The following F3 variants were observed in gnomAD, a reference collection of about 807,000 sequenced individuals.
F3 encodes tissue factor.
A neutral mutation model predicts 33.5 loss-of-function variants in F3; 18 were observed. The ratio of observed to expected loss-of-function variants is 0.54; its 90% CI spans 0.37 to 0.80. F3 has a LOEUF of 0.80. Among genes scored for constraint, F3 ranks in the 30% least tolerant of loss-of-function variants. F3 has a pLI of 0.00. For synonymous variants in F3, 147 were observed against 140.7 expected (o/e 1.05, Z -0.32); for missense variants, 353 against 362.1 (o/e 0.97, Z 0.20).
chr1:94,541,600 CG>C lies in F3; in HGVS notation c.36del (p.Glu13ArgfsTer32). ...ETPAWPRVPR[P>X]ETAVARTLLL... is the part of the protein sequence containing the mutation. ...AGGAGCGTCCGAGCGACGGCGGTCTCGGGGCGCGGGACCCGGGGCCAGGCAG... is the reference window on the plus strand; with the variant it reads ...AGGAGCGTCCGAGCGACGGCGGTCTCGGGCGCGGGACCCGGGGCCAGGCAG... On this transcript the variant is annotated frameshift_variant, in exon 1 of 6. Coordinates refer to ENST00000334047, the MANE Select transcript of F3 (RefSeq NM_001993.5). LOFTEE classifies it high-confidence loss of function. 1 of 1,462,446 alleles carries C rather than the reference CG, an allele frequency of 6.8e-7. No homozygotes were observed. Among genetic ancestry groups the C allele is most frequent in the Non-Finnish European group, 9.0e-7 (1 of 1,106,372 alleles). The allele number at this position is 1,462,446 out of a possible 1,614,324, so 90.6% of individuals were successfully genotyped here. A position where few individuals can be genotyped will look rare whatever the true frequency, so the allele number is the denominator to read the frequency against.
At chr1:94,532,516 C>A in intron 4 of F3, 36 bp from the exon 5 acceptor site, 2 of 1,607,202 alleles carry the variant, frequency 1.2e-6, no homozygotes, top group Non-Finnish European at 8.5e-7. Context: ...CATCTGGGCT[C>A]TGAGTCAATT....
At chr1:94,539,532 C>T (rs1173660588) in intron 2 of F3, among the ~76,000 whole-genome samples, 1 of 152,158 alleles carries the variant, frequency 6.6e-6, no homozygotes, top group African/African-American at 2.4e-5. Flanking sequence ...AAGATCTCTA[C>T]CAAGCCTCCT....
chr1:94,541,393 C>G (rs1651772462), intron 1 of F3, 144 bp downstream of exon 1: 1 of 612,706 alleles, frequency 1.6e-6, no homozygotes, highest in African/African-American at 1.9e-5. Flanking sequence ...TCAAGCCGGG[C>G]TGGGTGAGCG....
At chr1:94,532,628 A>T (rs746915096) in intron 4 of F3, 148 bp from the exon 5 acceptor site, 5 of 850,556 alleles carry the variant, frequency 5.9e-6, no homozygotes, top group Non-Finnish European at 9.1e-6. Flanking sequence ...GACTTCGCTA[A>T]TCAGTTTCCC....
Position 94,541,518 on chromosome 1 carries a change from AG to A in F3, c.100+18del. 1 of 1,461,222 alleles carries A rather than the reference AG, an allele frequency of 6.8e-7. No individual in the cohort carries two copies. The highest frequency in any genetic ancestry group is 9.1e-7 in the Non-Finnish European group (1 of 1,104,416). 90.5% of individuals were successfully genotyped at this position (1,461,222 alleles called of 1,614,324 possible). ...TGCGTGTGGCGCGCCCCGGGCTTCC[AG>A]GGGCTGGTGCCACTCACCTGAAGCG... On this transcript the variant is annotated intron_variant, in intron 1 of 5. Transcript: ENST00000334047.
Position 94,536,129 on chromosome 1 carries a change from T to TAA in F3, c.246_247dup (p.Tyr83PhefsTer15). On this transcript the variant is annotated frameshift_variant, in exon 3 of 6. Transcript: ENST00000334047. LOFTEE classifies it high-confidence loss of function. ...GAGGTCACACTCTGTGTCTGTTGTG[T>TAA]AAAAGCATTTGCTTTTCCAATCTCC... is the stretch of plus-strand genomic sequence containing the variant. 1 of 1,614,150 alleles carries TAA rather than the reference T, an allele frequency of 6.2e-7. No individual in the cohort carries two copies. Among genetic ancestry groups the TAA allele is most frequent in the Admixed American group, 1.7e-5 (1 of 60,024 alleles).
chr1:94,539,869 C>G (rs1651720913), intron 2 of F3, among the ~76,000 whole-genome samples: 1 of 152,198 alleles, frequency 6.6e-6, no homozygotes, highest in South Asian at 2.1e-4. Flanking sequence ...CACCTCTTCC[C>G]TAAGGTGTTA....
At chr1:94,530,632 C>G (rs1651395804) in intron 5 of F3, 36 bp from the exon 6 acceptor site, 2 of 1,612,080 alleles carry the variant, frequency 1.2e-6, no homozygotes, top group Admixed American at 3.3e-5. Context: ...ACTTGGAGAG[C>G]TCAAATCCCA....
At chr1:94,531,516 G>A (rs1481855282) in intron 5 of F3, among the ~76,000 whole-genome samples, 1 of 152,068 alleles carries the variant, frequency 6.6e-6, no homozygotes, top group Non-Finnish European at 1.5e-5. Context: ...TGGCCAGGCT[G>A]GTCCCAAACT....
intron 2 of F3, among the ~76,000 whole-genome samples, chr1:94,537,914 G>A (rs1403645371): frequency 6.6e-6 from 1 of 152,144 alleles, no homozygotes; most frequent in African/African-American, 2.4e-5. Flanking sequence ...TAGTTGTTCA[G>A]ATAACAGGAG....
At chr1:94,540,146 G>A (rs559955789) in intron 2 of F3, 111 bp downstream of exon 2, 66 of 755,492 alleles carry the variant, frequency 8.7e-5, no homozygotes, top group African/African-American at 4.8e-4. Context: ...CTTCTTCTTC[G>A]TCATCTGTTA....
intron 2 of F3, among the ~76,000 whole-genome samples, chr1:94,537,933 C>T (rs1368466478): frequency 6.6e-6 from 1 of 152,102 alleles, no homozygotes; most frequent in Non-Finnish European, 1.5e-5. Context: ...AGAAAGTCTC[C>T]TAGGGCTTTC....
intron 4 of F3, 143 bp downstream of exon 4, chr1:94,532,947 C>G (rs1651473799): frequency 1.3e-6 from 1 of 794,838 alleles, no homozygotes; most frequent in African/African-American, 1.7e-5. Context: ...CCACCCCTCC[C>G]CACAGTGCGC....
chr1:94,532,425 T>A lies in F3; in HGVS notation c.647A>T (p.Asn216Ile). 22 of 1,614,232 alleles carry A rather than the reference T, an allele frequency of 1.4e-5. No homozygotes were observed. The highest frequency in any genetic ancestry group is 1.9e-5 in the Non-Finnish European group (22 of 1,180,042). The change falls in exon 5 of 6, where the codon AAC (asparagine) becomes ATC (isoleucine). Residue 216 changes from asparagine (N) to isoleucine (I), a missense_variant. Coordinates refer to ENST00000334047, the MANE Select transcript of F3 (RefSeq NM_001993.5). ...CACTGCTTGAACACTGAAACAGTAG[T>A]TTTCTCCTTTATCCACATCAATCAA... ...EFLIDVDKGENYCFSVQAVIP... is the reference protein window; with the variant it reads ...EFLIDVDKGEIYCFSVQAVIP...
At chr1:94,532,196 A>G (rs2391424) in intron 5 of F3, 125 bp downstream of exon 5, 286,313 of 957,174 alleles carry the variant, frequency 0.3, 45,453 homozygotes, top group East Asian at 0.47. Flanking sequence ...AAAAACCTCC[A>G]GGCAGTTTGT....
At chr1:94,538,060 A>G (rs186853329) in intron 2 of F3, among the ~76,000 whole-genome samples, 2 of 152,366 alleles carry the variant, frequency 1.3e-5, no homozygotes, top group African/African-American at 4.8e-5. Flanking sequence ...GTAAAACTGT[A>G]TAAACAGGTA....
chr1:94,533,690 C>T (rs927550475), intron 3 of F3, among the ~76,000 whole-genome samples: 3 of 152,002 alleles, frequency 2.0e-5, no homozygotes, highest in East Asian at 1.9e-4. Flanking sequence ...TTTCTCCTGC[C>T]GTGGCCCCTG....
rs372898545 is a variant in F3, at chr1:94,541,569, C to A, written c.68G>T (p.Gly23Val). ...ETAVARTLLL[G>V]WVFAQVAGAS... Reference sequence around the variant, plus strand: ...GCCGGCCACCTGGGCGAAGACCCAGCCGAGCAGGAGCGTCCGAGCGACGGC... The same window carrying A: ...GCCGGCCACCTGGGCGAAGACCCAGACGAGCAGGAGCGTCCGAGCGACGGC... The change falls in exon 1 of 6, where the codon GGC (glycine) becomes GTC (valine). Residue 23 changes from glycine (G) to valine (V), a missense_variant. Transcript: ENST00000334047. 1.9e-5 allele frequency: 29 copies of A among 1,507,602 alleles called. No homozygotes were observed. The African/African-American group carries it at 3.7e-4, about 19-fold the overall frequency. The allele number at this position is 1,507,602 out of a possible 1,614,324, so 93.4% of individuals were successfully genotyped here.
intron 5 of F3, among the ~76,000 whole-genome samples, chr1:94,531,021 G>C (rs1339994650): frequency 6.6e-6 from 1 of 152,192 alleles, no homozygotes; most frequent in Non-Finnish European, 1.5e-5. Context: ...AGGCCTTCTG[G>C]TGGAAGTGGC....
Sources: gnomAD v4.1 joint callset for allele counts (sites outside exome capture counted in the v4.1 genomes callset) on GRCh38, gnomAD v4.1.1 for gene constraint, MANE v1.5 for transcripts, NCBI Gene and HGNC (gene_info 2026-07-23, HGNC 2026-07-21) for gene names.